Variants in EFCAB12 observed in about 807,000 individuals in gnomAD.
EFCAB12 encodes the protein EF-hand calcium-binding domain-containing protein 12.
In EFCAB12, 43 loss-of-function variants were observed where a neutral mutation model predicts 53.6. That is an observed-to-expected ratio of 0.80 (90% CI 0.63 to 1.03). The LOEUF (loss-of-function observed/expected upper bound fraction) is 1.03, where lower values mean the gene tolerates loss of function less well. Ranked by LOEUF, EFCAB12 falls within the 50% of genes least tolerant of loss-of-function variation. The pLI, the probability that EFCAB12 is intolerant of heterozygous loss-of-function variation, is 0.00. For synonymous variants in EFCAB12, 269 were observed against 289.2 expected (o/e 0.93, Z 0.71); for missense variants, 646 against 730.6 (o/e 0.88, Z 1.34).
At chr3:129,417,111 G>A (rs944791899) in intron 3 of EFCAB12, among the ~76,000 whole-genome samples, 1 of 152,022 alleles carries the variant, frequency 6.6e-6, no homozygotes, top group Non-Finnish European at 1.5e-5. Context: ...TGGATCACAA[G>A]GTCAAGAGAT....
In EFCAB12 at chr3:129,408,523, A is replaced by G. The variant is rs72984757; in HGVS notation, c.1249+122T>C. On this transcript the variant is annotated intron_variant, in intron 6 of 8. Coordinates refer to ENST00000505956, the MANE Select transcript of EFCAB12 (RefSeq NM_207307.3). ...ACGCCCCCACTCCGCCTTATTCCCAATGTCCCCACCAGAGATTACAGTGGC... is the reference window on the plus strand; with the variant it reads ...ACGCCCCCACTCCGCCTTATTCCCAGTGTCCCCACCAGAGATTACAGTGGC... The G allele has an allele frequency of 7.5e-6, 8 of 1,073,174 alleles. 1 individual carries two copies. The African/African-American group carries it at 1.1e-4, about 15-fold the overall frequency. The allele number at this position is 1,073,174 out of a possible 1,614,324, so 66.5% of individuals were successfully genotyped here.
chr3:129,416,244 C>A (rs915378217), intron 3 of EFCAB12, among the ~76,000 whole-genome samples: 1 of 152,060 alleles, frequency 6.6e-6, no homozygotes, highest in African/African-American at 2.4e-5. Context: ...CATGGTGAAG[C>A]CCCATCTCTA....
At chr3:129,418,096 C>A (rs1003880732) in intron 3 of EFCAB12, among the ~76,000 whole-genome samples, 158 bp downstream of exon 3, 1 of 152,022 alleles carries the variant, frequency 6.6e-6, no homozygotes, top group African/African-American at 2.4e-5. Context: ...TATTTTCTAG[C>A]CTTAATAAGT....
In EFCAB12 at chr3:129,402,598, G is replaced by A; in HGVS notation, c.1404-19C>T. On this transcript the variant is annotated intron_variant, in intron 7 of 8. Coordinates refer to ENST00000505956, the MANE Select transcript of EFCAB12 (RefSeq NM_207307.3). ...CGTTTTCCTAGTGGAGAAGAGAGAG[G>A]CATTTTGTGAGGAGAGTGGAAATCC... is the stretch of plus-strand genomic sequence containing the variant. 6.2e-7 allele frequency: 1 copy of A among 1,609,412 alleles called. No homozygotes were observed.
intron 6 of EFCAB12, 60 bp from the exon 7 acceptor site, chr3:129,404,463 G>C: frequency 2.1e-6 from 3 of 1,459,158 alleles, no homozygotes; most frequent in Non-Finnish European, 2.7e-6. Context: ...CCCTCCCTAA[G>C]CCTCTGGGGT....
chr3:129,413,001 A>G (rs1009009540), intron 4 of EFCAB12: 1 of 152,220 alleles, frequency 6.6e-6, no homozygotes, highest in African/African-American at 2.4e-5. Context: ...ACCACCTTCT[A>G]TTGAGGCTGT....
At chr3:129,426,703 G>T (rs181976790) in intron 1 of EFCAB12, among the ~76,000 whole-genome samples, 2 of 151,346 alleles carry the variant, frequency 1.3e-5, no homozygotes, top group East Asian at 2.0e-4. Context: ...TTGAGACAGG[G>T]TCTTGCTCTG....
At chr3:129,418,777 C>A (rs899887580) in intron 2 of EFCAB12, among the ~76,000 whole-genome samples, 3 of 152,168 alleles carry the variant, frequency 2.0e-5, no homozygotes, top group Non-Finnish European at 4.4e-5. Flanking sequence ...AAAACCTATA[C>A]CCTTCCCTGG....
intron 1 of EFCAB12, among the ~76,000 whole-genome samples, chr3:129,426,349 GT>G (rs1229958503): frequency 4.0e-4 from 43 of 106,934 alleles, no homozygotes; most frequent in South Asian, 3.8e-3. Context: ...GGCTTACAGG[GT>G]TTTTTTTTGT....
intron 1 of EFCAB12, among the ~76,000 whole-genome samples, chr3:129,425,477 T>C (rs2072259919): frequency 6.6e-6 from 1 of 152,068 alleles, no homozygotes; most frequent in African/African-American, 2.4e-5. Context: ...CCTTCCTGGC[T>C]CTGGGTTTTC....
At chr3:129,402,162 TGTG>T (rs1179543026) in intron 8 of EFCAB12, among the ~76,000 whole-genome samples, 1 of 152,210 alleles carries the variant, frequency 6.6e-6, no homozygotes, top group Non-Finnish European at 1.5e-5. Context: ...GGCATTTTAA[TGTG>T]GTGTTTGGAG....
chr3:129,418,004 C>T (rs2072139665), intron 3 of EFCAB12, among the ~76,000 whole-genome samples: 1 of 152,216 alleles, frequency 6.6e-6, no homozygotes. Flanking sequence ...ACTCCACAGA[C>T]TTTCCACTCA....
At position 129,421,470 on chromosome 3, in the gene EFCAB12, T is replaced by A. The variant is rs2072186233; in HGVS notation, c.383A>T (p.Asn128Ile). 1 of 1,614,048 alleles carries A rather than the reference T, an allele frequency of 6.2e-7. No homozygotes were observed. Among genetic ancestry groups the A allele is most frequent in the African/African-American group, 1.3e-5 (1 of 75,060 alleles). Reference sequence around the variant, plus strand: ...CTCTGAAGGCGTGATGCTGGGCTTGTTCTCCAGCCACCTCTTTACATCACC... The same window carrying A: ...CTCTGAAGGCGTGATGCTGGGCTTGATCTCCAGCCACCTCTTTACATCACC... ...SFGDVKRWLE[N>I]KPSITPSEAK... is the part of the protein sequence containing the mutation. Residue 128 changes from asparagine to isoleucine, a missense_variant, in exon 2 of 9, where the codon AAC (asparagine) becomes ATC (isoleucine). Coordinates refer to ENST00000505956, the MANE Select transcript of EFCAB12 (RefSeq NM_207307.3).
chr3:129,401,817 G>A lies in EFCAB12; in HGVS notation c.1495C>T (p.Gln499Ter). 1 of 1,613,302 alleles carries A rather than the reference G, an allele frequency of 6.2e-7. No homozygotes were observed. Among genetic ancestry groups the A allele is most frequent in the Non-Finnish European group, 8.5e-7 (1 of 1,179,522 alleles). ...GGCCAGAAGGAATTGGGGTGTGTTTGCTGCAGACCACTGGACCTCTTCACC... is the reference window on the plus strand; with the variant it reads ...GGCCAGAAGGAATTGGGGTGTGTTTACTGCAGACCACTGGACCTCTTCACC... ...LKVKRSSGLQ[Q>*]THPNSFWPGH... The change falls in exon 9 of 9, where the codon CAA (glutamine) becomes TAA (stop). Residue 499 changes from glutamine to a stop codon, truncating the protein, a stop_gained. Transcript: ENST00000505956. LOFTEE classifies it low-confidence loss of function (END_TRUNC).
chr3:129,416,557 G>A (rs1218923892), intron 3 of EFCAB12, among the ~76,000 whole-genome samples: 1 of 152,208 alleles, frequency 6.6e-6, no homozygotes, highest in Non-Finnish European at 1.5e-5. Context: ...ATAATTACAT[G>A]TCATAAAACA....
chr3:129,421,483 T>A lies in EFCAB12; in HGVS notation c.370A>T (p.Arg124Trp), dbSNP rs1224745061. The A allele has an allele frequency of 6.2e-7, 1 of 1,614,022 alleles. No homozygotes were observed. The highest frequency in any genetic ancestry group is 1.1e-5 in the South Asian group (1 of 91,086). ...QELESFGDVK[R>W]WLENKPSITP... ...ATGCTGGGCTTGTTCTCCAGCCACC[T>A]CTTTACATCACCAAAGGACTCTAGC... Residue 124 changes from arginine to tryptophan, a missense_variant, in exon 2 of 9, where the codon AGG (arginine) becomes TGG (tryptophan). Arg to Trp is a moderately radical substitution (Grantham distance 101). Coordinates refer to ENST00000505956, the MANE Select transcript of EFCAB12 (RefSeq NM_207307.3).
At chr3:129,402,625 G>A (rs1368833379) in intron 7 of EFCAB12, 46 bp from the exon 8 acceptor site, 2 of 1,586,456 alleles carry the variant, frequency 1.3e-6, no homozygotes, top group Admixed American at 3.5e-5. Context: ...TGGAAATCCA[G>A]GCCAATGGGG....
intron 1 of EFCAB12, among the ~76,000 whole-genome samples, chr3:129,424,370 C>A (rs951140555): frequency 6.6e-6 from 1 of 152,150 alleles, no homozygotes; most frequent in African/African-American, 2.4e-5. Context: ...GAGAGGACGT[C>A]CCCCTTGCTG....
At chr3:129,414,052 T>G (rs2072080647) in intron 4 of EFCAB12, 1 of 152,168 alleles carries the variant, frequency 6.6e-6, no homozygotes, top group Admixed American at 6.5e-5. Flanking sequence ...GCAGCCCAAC[T>G]TGAGGTGACC....
Sources: allele counts gnomAD v4.1 joint callset (sites outside exome capture counted in the v4.1 genomes callset), GRCh38; gene constraint gnomAD v4.1.1; transcripts MANE v1.5; gene names NCBI Gene and HGNC (gene_info 2026-07-23, HGNC 2026-07-21).